The following WIPI2 variants were observed in gnomAD, a reference collection of about 807,000 sequenced individuals.
WIPI2 encodes the protein WD repeat domain, phosphoinositide interacting 2, also known as WD repeat domain phosphoinositide-interacting protein 2.
A neutral mutation model predicts 52.3 loss-of-function variants in WIPI2; 28 were observed. The ratio of observed to expected loss-of-function variants is 0.54; its 90% CI spans 0.40 to 0.73. The LOEUF (loss-of-function observed/expected upper bound fraction) is 0.73. WIPI2 is among the 30% of genes least tolerant of loss of function. The pLI, the probability that WIPI2 is intolerant of heterozygous loss-of-function variation, is 0.00. For missense variants in WIPI2, 506 were observed against 602.9 expected, an observed-to-expected ratio of 0.84 and a Z score of 1.68; for synonymous variants, 268 against 245.0, an observed-to-expected ratio of 1.09 and a Z score of -0.88.
At chr7:5,224,118 C>G (rs1356573633) in intron 8 of WIPI2, among the ~76,000 whole-genome samples, 1 of 152,280 alleles carries the variant, frequency 6.6e-6, no homozygotes, top group Non-Finnish European at 1.5e-5. Flanking sequence ...GGCACCAGCC[C>G]TTCCGCCCAG....
chr7:5,219,987 C>T (rs1320708822), intron 7 of WIPI2, among the ~76,000 whole-genome samples: 1 of 151,376 alleles, frequency 6.6e-6, no homozygotes, highest in Non-Finnish European at 1.5e-5. Flanking sequence ...AGGCACCTGC[C>T]ACCACGCCCG....
Position 5,217,778 on chromosome 7 carries a change from C to G in WIPI2, c.577-144C>G, listed in dbSNP as rs1782894631. 1.1e-5 allele frequency: 8 copies of G among 753,910 alleles called. 1 individual carries two copies. The South Asian group carries it at 1.3e-4, about 12-fold the overall frequency. The allele number at this position is 753,910 out of a possible 1,614,324, so 46.7% of individuals were successfully genotyped here. A position where few individuals can be genotyped will look rare whatever the true frequency, so the allele number is the denominator to read the frequency against. ...CAGCATTTCCTTGGATGCCCAGCCC[C>G]AGTAAATCAAGTGGGTTTGGCATTT... On this transcript the variant is annotated intron_variant, in intron 6 of 12. Coordinates refer to ENST00000288828, the MANE Select transcript of WIPI2 (RefSeq NM_015610.4).
At chr7:5,217,244 G>A in intron 6 of WIPI2, 57 bp downstream of exon 6, 1 of 1,566,118 alleles carries the variant, frequency 6.4e-7, no homozygotes, top group South Asian at 1.1e-5. Context: ...TCCTGAAGAG[G>A]AGCACTGTGG....
At chr7:5,213,371 A>G (rs978970083) in intron 3 of WIPI2, 5 of 152,468 alleles carry the variant, frequency 3.3e-5, no homozygotes, top group African/African-American at 9.6e-5. Flanking sequence ...GGCCCGTTCC[A>G]TTTGAAGTGG....
intron 3 of WIPI2, among the ~76,000 whole-genome samples, chr7:5,209,705 G>A (rs1370380091): frequency 2.0e-5 from 3 of 151,998 alleles, no homozygotes; most frequent in South Asian, 2.1e-4. Context: ...TGGTGCTGTC[G>A]GTCTGGGGCT....
At chr7:5,192,108 T>C (rs561071188) in intron 1 of WIPI2, among the ~76,000 whole-genome samples, 10 of 152,248 alleles carry the variant, frequency 6.6e-5, no homozygotes, top group Admixed American at 1.3e-4. Context: ...TTAGAAATAA[T>C]AGCATAACAA....
At chr7:5,203,445 C>T (rs183572853) in intron 3 of WIPI2, among the ~76,000 whole-genome samples, 65 of 152,182 alleles carry the variant, frequency 4.3e-4, no homozygotes, top group African/African-American at 1.5e-3. Context: ...TAAACCACGC[C>T]AGCAGAAGCA....
intron 1 of WIPI2, among the ~76,000 whole-genome samples, chr7:5,192,045 T>A (rs938261074): frequency 3.9e-5 from 6 of 152,160 alleles, no homozygotes; most frequent in Non-Finnish European, 7.4e-5. Flanking sequence ...CTTTCTGCTC[T>A]GCCATGCTGT....
At chr7:5,220,805 CTTTT>C (rs1203840751) in intron 7 of WIPI2, among the ~76,000 whole-genome samples, 3 of 151,088 alleles carry the variant, frequency 2.0e-5, no homozygotes, top group African/African-American at 7.3e-5. Context: ...TTCTTTCTTT[CTTTT>C]TTTTGAGACA....
chr7:5,225,573 G>C (rs1783387591), intron 8 of WIPI2, among the ~76,000 whole-genome samples: 1 of 152,234 alleles, frequency 6.6e-6, no homozygotes. Flanking sequence ...TCAGCTAAAA[G>C]TGGTTTAGTG....
At chr7:5,215,617 G>A (rs1286170267) in intron 4 of WIPI2, among the ~76,000 whole-genome samples, 2 of 152,248 alleles carry the variant, frequency 1.3e-5, no homozygotes, top group Non-Finnish European at 2.9e-5. Flanking sequence ...GCCAGTAGCT[G>A]CACCCTGAGA....
At chr7:5,193,604 T>C (rs1781586801) in intron 2 of WIPI2, among the ~76,000 whole-genome samples, 1 of 152,238 alleles carries the variant, frequency 6.6e-6, no homozygotes, top group Non-Finnish European at 1.5e-5. Context: ...AGTCTCACTG[T>C]TGCACAGTTT....
intron 3 of WIPI2, among the ~76,000 whole-genome samples, chr7:5,204,329 T>C (rs551971955): frequency 6.6e-6 from 1 of 152,200 alleles, no homozygotes; most frequent in Non-Finnish European, 1.5e-5. Flanking sequence ...TAGCCGGACA[T>C]GGTGGCGCGC....
chr7:5,222,066 C>T (rs993349817), intron 7 of WIPI2, among the ~76,000 whole-genome samples: 3 of 151,818 alleles, frequency 2.0e-5, no homozygotes, highest in African/African-American at 7.3e-5. Flanking sequence ...TCTTCTGCCT[C>T]AGCCTCCCGA....
chr7:5,210,191 G>A (rs1446746554), intron 3 of WIPI2, among the ~76,000 whole-genome samples: 1 of 152,244 alleles, frequency 6.6e-6, no homozygotes, highest in Admixed American at 6.5e-5. Flanking sequence ...CTCCAGGCGT[G>A]AGCCCCTGCG....
intron 3 of WIPI2, among the ~76,000 whole-genome samples, chr7:5,209,446 T>C (rs1247597197): frequency 1.3e-5 from 2 of 152,228 alleles, no homozygotes; most frequent in Non-Finnish European, 2.9e-5. Flanking sequence ...TTAACCTTCA[T>C]CAGTGAAAGA....
At chr7:5,211,478 A>T (rs893070247) in intron 3 of WIPI2, among the ~76,000 whole-genome samples, 3 of 152,186 alleles carry the variant, frequency 2.0e-5, no homozygotes, top group Non-Finnish European at 2.9e-5. Context: ...GTCTCAAAAA[A>T]ATAAAATCCC....
intron 3 of WIPI2, 125 bp from the exon 4 acceptor site, chr7:5,214,410 G>A (rs773522635): frequency 5.6e-6 from 9 of 1,608,468 alleles, no homozygotes; most frequent in Non-Finnish European, 5.9e-6. Context: ...CACATGTTCC[G>A]CAGGCACCCT....
chr7:5,221,415 C>G (rs947223243), intron 7 of WIPI2, among the ~76,000 whole-genome samples: 7 of 152,140 alleles, frequency 4.6e-5, no homozygotes, highest in African/African-American at 1.7e-4. Flanking sequence ...CAGTTTGAAC[C>G]TCCTAAAATT....
Sources: allele counts gnomAD v4.1 joint callset (sites outside exome capture counted in the v4.1 genomes callset), GRCh38; gene constraint gnomAD v4.1.1; transcripts MANE v1.5; gene names NCBI Gene and HGNC (gene_info 2026-07-23, HGNC 2026-07-21).